VAV3: variants seen among roughly 807,000 people sequenced by gnomAD.
VAV3 encodes the protein guanine nucleotide exchange factor VAV3.
A neutral mutation model predicts 131.2 loss-of-function variants in VAV3; 94 were observed. That is an observed-to-expected ratio of 0.72 (90% CI 0.61 to 0.85). The LOEUF is 0.85. Among genes scored for constraint, VAV3 ranks in the 40% least tolerant of loss-of-function variants. The probability of loss-of-function intolerance (pLI) is 0.00; values close to 1 mark genes in which losing one functional copy is unlikely to be tolerated. For missense variants in VAV3, 939 were observed against 1,002.7 expected (o/e 0.94, Z 0.86); for synonymous variants, 349 against 342.0 (o/e 1.02, Z -0.22).
At chr1:107,950,143 C>T (rs1260764478) in intron 1 of VAV3, among the ~76,000 whole-genome samples, 1 of 151,706 alleles carries the variant, frequency 6.6e-6, no homozygotes, top group Non-Finnish European at 1.5e-5. Context: ...AAAAAAAGTA[C>T]TTCTACTGTA....
chr1:107,740,302 T>G (rs1219586168), intron 15 of VAV3, among the ~76,000 whole-genome samples: 1 of 145,160 alleles, frequency 6.9e-6, no homozygotes, highest in Admixed American at 6.9e-5. Flanking sequence ...AAAAAAAAAA[T>G]GCTTCTTGTT....
chr1:107,706,258 T>G (rs1660446343), intron 15 of VAV3, among the ~76,000 whole-genome samples: 2 of 152,068 alleles, frequency 1.3e-5, no homozygotes, highest in South Asian at 4.1e-4. Context: ...CACAGAATCC[T>G]GGCGAAATGA....
At chr1:107,726,673 A>G (rs930386760) in intron 15 of VAV3, among the ~76,000 whole-genome samples, 4 of 152,230 alleles carry the variant, frequency 2.6e-5, no homozygotes, top group Admixed American at 2.6e-4. Flanking sequence ...TTACTGAATC[A>G]GCATAGACTA....
intron 25 of VAV3, chr1:107,576,332 A>C: frequency 5.0e-6 from 7 of 1,410,724 alleles, no homozygotes; most frequent in Non-Finnish European, 6.5e-6. Flanking sequence ...ATGGAACTCA[A>C]ATATTTTATT....
At chr1:107,703,405 C>T (rs1030527090) in intron 17 of VAV3, among the ~76,000 whole-genome samples, 1 of 152,106 alleles carries the variant, frequency 6.6e-6, no homozygotes, top group Admixed American at 6.6e-5. Flanking sequence ...ATGTGCAGGG[C>T]CATTCTGAAG....
At chr1:107,718,956 A>G (rs934510999) in intron 15 of VAV3, among the ~76,000 whole-genome samples, 9 of 152,238 alleles carry the variant, frequency 5.9e-5, no homozygotes, top group African/African-American at 1.9e-4. Flanking sequence ...AGAAATGGTG[A>G]AAGGATTCCC....
chr1:107,949,045 G>A (rs947036403), intron 1 of VAV3, among the ~76,000 whole-genome samples: 1 of 151,998 alleles, frequency 6.6e-6, no homozygotes, highest in African/African-American at 2.4e-5. Context: ...GACTTAAACA[G>A]GCTTAATGAA....
At chr1:107,721,848 C>T (rs1570825803) in intron 15 of VAV3, among the ~76,000 whole-genome samples, 1 of 152,214 alleles carries the variant, frequency 6.6e-6, no homozygotes, top group East Asian at 1.9e-4. Flanking sequence ...TTCACTCAAC[C>T]TGTTGCCTTG....
At chr1:107,600,447 G>A (rs1001230044) in intron 24 of VAV3, among the ~76,000 whole-genome samples, 13 of 151,886 alleles carry the variant, frequency 8.6e-5, no homozygotes, top group Admixed American at 6.6e-4. Context: ...GCTGTGATAC[G>A]TGCTTCCTTA....
rs187965456 is a variant in VAV3 at position 107,768,316 on chromosome 1, A to T, written c.717+125T>A. 2.8e-3 allele frequency: 1,909 copies of T among 672,124 alleles called. 7 individuals carry two copies. The highest frequency in any genetic ancestry group is 2.9e-3 in the Non-Finnish European group (1,244 of 432,756). The allele number at this position is 672,124 out of a possible 1,614,324, so 41.6% of individuals were successfully genotyped here. A position where few individuals can be genotyped will look rare whatever the true frequency, so the allele number is the denominator to read the frequency against. On this transcript the variant is annotated intron_variant, in intron 7 of 26. Transcript: ENST00000370056. ...TATAAAAACTGGAAAAGCAAAAAATAAATAAATAAGGCCAATATTCTTAAA... is the reference window on the plus strand; with the variant it reads ...TATAAAAACTGGAAAAGCAAAAAATTAATAAATAAGGCCAATATTCTTAAA...
chr1:107,636,382 G>A (rs923024258), intron 20 of VAV3, among the ~76,000 whole-genome samples: 7 of 152,116 alleles, frequency 4.6e-5, no homozygotes, highest in African/African-American at 1.7e-4. Context: ...CAATCTATAA[G>A]AAGAAACTGA....
chr1:107,772,612 T>C (rs1665110364), intron 5 of VAV3, 123 bp downstream of exon 5: 4 of 738,262 alleles, frequency 5.4e-6, no homozygotes, highest in Admixed American at 3.0e-5. Flanking sequence ...AAGTCATAAT[T>C]ATATAGTTAT....
At chr1:107,866,358 T>C (rs1001868553) in intron 2 of VAV3, among the ~76,000 whole-genome samples, 17 of 152,090 alleles carry the variant, frequency 1.1e-4, no homozygotes, top group African/African-American at 3.9e-4. Context: ...CTTCCCCTGG[T>C]GATAAACCCA....
intron 4 of VAV3, among the ~76,000 whole-genome samples, chr1:107,773,073 T>G (rs1665143453): frequency 6.6e-6 from 1 of 152,230 alleles, no homozygotes; most frequent in Non-Finnish European, 1.5e-5. Context: ...GTAGTTACTA[T>G]GTATAAGCAC....
intron 15 of VAV3, among the ~76,000 whole-genome samples, chr1:107,710,583 A>C (rs911091166): frequency 3.3e-5 from 5 of 152,018 alleles, no homozygotes; most frequent in Non-Finnish European, 7.4e-5. Context: ...ACTTACAATT[A>C]TTTTTCTCCA....
At chr1:107,665,179 C>T (rs1433078847) in intron 19 of VAV3, among the ~76,000 whole-genome samples, 2 of 152,144 alleles carry the variant, frequency 1.3e-5, no homozygotes, top group East Asian at 3.9e-4. Context: ...AATTGGGAGA[C>T]TATTACAACA....
chr1:107,898,274 T>C (rs1671699447), intron 1 of VAV3, among the ~76,000 whole-genome samples: 1 of 152,220 alleles, frequency 6.6e-6, no homozygotes, highest in Non-Finnish European at 1.5e-5. Flanking sequence ...TGAGAGTTCC[T>C]CTTATTTCTG....
chr1:107,921,870 G>A (rs962638212), intron 1 of VAV3, among the ~76,000 whole-genome samples: 3 of 152,168 alleles, frequency 2.0e-5, no homozygotes, highest in African/African-American at 7.2e-5. Context: ...AAAAGTATGA[G>A]AAATTAAAAT....
chr1:107,651,645 A>G (rs1656180848), intron 19 of VAV3, among the ~76,000 whole-genome samples: 2 of 151,746 alleles, frequency 1.3e-5, no homozygotes, highest in Non-Finnish European at 2.9e-5. Context: ...TATCTCTAAA[A>G]TTTCTCTCTA....
Sources: allele counts gnomAD v4.1 joint callset (sites outside exome capture counted in the v4.1 genomes callset), GRCh38; gene constraint gnomAD v4.1.1; transcripts MANE v1.5; gene names NCBI Gene and HGNC (gene_info 2026-07-23, HGNC 2026-07-21).